The following CHTOP variants were observed in gnomAD, a reference collection of about 807,000 sequenced individuals.
CHTOP encodes chromatin target of PRMT1 protein.
A neutral mutation model predicts 33.6 loss-of-function variants in CHTOP; 18 were observed. The ratio of observed to expected loss-of-function variants is 0.54; its 90% CI spans 0.37 to 0.80. The LOEUF (loss-of-function observed/expected upper bound fraction) is 0.80, where lower values mean the gene tolerates loss of function less well. Among genes scored for constraint, CHTOP ranks in the 30% least tolerant of loss-of-function variants. CHTOP has a pLI of 0.00. For missense variants in CHTOP, 263 were observed against 336.8 expected (o/e 0.78, Z 1.71); for synonymous variants, 117 against 127.7 (o/e 0.92, Z 0.56).
rs71093280 is a variant in CHTOP at position 153,636,088 on chromosome 1, ATT to A, written c.-17-468_-17-467del. 7.5e-3 allele frequency among the ~76,000 whole-genome samples: 1,041 copies of A among 138,696 alleles called. 2 individuals are homozygous for A. Among genetic ancestry groups the A allele is most frequent in the African/African-American group, 9.2e-3 (344 of 37,444 alleles). The allele number at this position is 138,696 out of a possible 152,430, so 91.0% of individuals were successfully genotyped here. On this transcript the variant is annotated intron_variant, in intron 1 of 5. Transcript: ENST00000368694. ...AGGTGCTGGCCACCATGCACCGCTA[ATT>A]TTTTTTTTTTTTTTTCTTAGTAGAG...
chr1:153,641,479 G>A (rs775623675), intron 3 of CHTOP, among the ~76,000 whole-genome samples: 7 of 152,202 alleles, frequency 4.6e-5, no homozygotes, highest in Non-Finnish European at 1.0e-4. Context: ...GTGATCACCT[G>A]AATAATTCTA....
rs373115225 is a variant in CHTOP, at chr1:153,639,172, C to T, written c.219+724C>T. On this transcript the variant is annotated intron_variant, in intron 3 of 5. Transcript: ENST00000368694. ...CTGGGATTACAGGCTTGAGCCACCG[C>T]GCCCAGCAGTCAAAGGTTTTCAATG... 1.8e-4 allele frequency among the ~76,000 whole-genome samples: 28 copies of T among 152,248 alleles called. No homozygotes were observed. The East Asian group carries it at 3.7e-3, about 20-fold the overall frequency.
At chr1:153,638,169 C>A in intron 2 of CHTOP, 126 bp from the exon 3 acceptor site, 1 of 888,782 alleles carries the variant, frequency 1.1e-6, no homozygotes, top group Non-Finnish European at 1.8e-6. Context: ...CAGCCTTGAT[C>A]TAAGTGTACC....
chr1:153,641,254 A>G (rs1241391356), intron 3 of CHTOP, among the ~76,000 whole-genome samples: 1 of 152,236 alleles, frequency 6.6e-6, no homozygotes, highest in Non-Finnish European at 1.5e-5. Flanking sequence ...TGAAGGGGCT[A>G]TACAATTTAT....
chr1:153,635,553 G>C (rs1344319381), intron 1 of CHTOP, among the ~76,000 whole-genome samples: 1 of 151,822 alleles, frequency 6.6e-6, no homozygotes, highest in African/African-American at 2.4e-5. Flanking sequence ...CGGTGCGGTG[G>C]CTCACGCCTG....
chr1:153,642,894 C>G, intron 4 of CHTOP: 1 of 350,178 alleles, frequency 2.9e-6, no homozygotes, highest in Non-Finnish European at 5.4e-6. Context: ...TTCTTGTTCC[C>G]TAGAAGAATC....
At chr1:153,642,501 C>T (rs1010464519) in intron 4 of CHTOP, 72 bp downstream of exon 4, 3 of 1,292,048 alleles carry the variant, frequency 2.3e-6, no homozygotes, top group South Asian at 1.6e-5. Context: ...CTTATGGACA[C>T]GTTTGTTTAA....
intron 5 of CHTOP, among the ~76,000 whole-genome samples, chr1:153,644,688 A>G (rs753831617): frequency 3.9e-5 from 6 of 152,202 alleles, no homozygotes; most frequent in Non-Finnish European, 7.3e-5. Context: ...CCACCTCCCT[A>G]TCTTACCAAA....
At chr1:153,641,292 T>G (rs933729584) in intron 3 of CHTOP, among the ~76,000 whole-genome samples, 7 of 152,254 alleles carry the variant, frequency 4.6e-5, no homozygotes, top group Non-Finnish European at 7.3e-5. Flanking sequence ...GATGGCTTTA[T>G]GGACAGCCAG....
intron 5 of CHTOP, chr1:153,643,570 T>A (rs1263098599): frequency 1.3e-5 from 6 of 474,036 alleles, no homozygotes; most frequent in Non-Finnish European, 1.8e-5. Flanking sequence ...AAGTGCATAT[T>A]ATAGAGCCAG....
At chr1:153,638,857 T>TTGC in intron 3 of CHTOP, among the ~76,000 whole-genome samples, 1 of 151,522 alleles carries the variant, frequency 6.6e-6, no homozygotes, top group Non-Finnish European at 1.5e-5. Flanking sequence ...TGCAGGGAGT[T>TTGC]TGCATGGCCT....
In CHTOP at chr1:153,643,140, T is replaced by C; in HGVS notation, c.404-87T>C. 1.8e-5 allele frequency: 28 copies of C among 1,530,034 alleles called. 1 individual carries two copies. The South Asian group carries it at 3.1e-4, about 17-fold the overall frequency. 94.8% of individuals were successfully genotyped at this position (1,530,034 alleles called of 1,614,324 possible). A position where few individuals can be genotyped will look rare whatever the true frequency, so the allele number is the denominator to read the frequency against. ...CTAAAAACTAACTGAATTACCTTCA[T>C]TTAACCCTCACCGCCTTCCTTTGGT... On this transcript the variant is annotated intron_variant, in intron 4 of 5. Transcript: ENST00000368694.
chr1:153,638,333 T>C lies in CHTOP; in HGVS notation c.104T>C (p.Val35Ala), dbSNP rs372642641. The change falls in exon 3 of 6, where the codon GTG (valine) becomes GCG (alanine). Residue 35 changes from valine (V) to alanine (A), a missense_variant. Transcript: ENST00000368694. ...CTGAAGAACAAACAGCCGACGCCAG[T>C]GAATATTCGGGCTTCGATGCAGCAA... ...NMLKNKQPTP[V>A]NIRASMQQQQ... 1 of 1,614,194 alleles carries C rather than the reference T, an allele frequency of 6.2e-7. No homozygotes were observed. The highest frequency in any genetic ancestry group is 1.3e-5 in the African/African-American group (1 of 75,050).
chr1:153,642,427 G>A lies in CHTOP; in HGVS notation c.401G>A (p.Arg134Gln), dbSNP rs760382762. 1.6e-5 allele frequency: 26 copies of A among 1,612,306 alleles called. No homozygotes were observed. The highest frequency in any genetic ancestry group is 2.7e-5 in the African/African-American group (2 of 74,912). The change falls in exon 4 of 6, where the codon CGA (arginine) becomes CAA (glutamine). Residue 134 changes from arginine to glutamine, a missense_variant and splice_region_variant. Arg to Gln is a conservative substitution (Grantham distance 43). This residue lies in a region of CHTOP where 168 missense variants were observed against 179.9 expected (regional missense o/e 0.93). Coordinates refer to ENST00000368694, the MANE Select transcript of CHTOP (RefSeq NM_015607.4). The stretch of plus-strand genomic sequence containing the variant: ...CTACTTAGGGGCGGGATGTCACTCC[G>A]AGGTCAGTGCTGTGTACCCTGATAA... The part of the protein sequence containing the change: ...RTLLRGGMSL[R>Q]GQNLLRGGRA...
Position 153,639,233 on chromosome 1 carries a change from C to T in CHTOP, c.219+785C>T, listed in dbSNP as rs1301943330. 3 of 156,446 alleles carry T rather than the reference C, an allele frequency of 1.9e-5. No homozygotes were observed. In the East Asian group the frequency reaches 5.7e-4, roughly 30 times the overall value. The allele number at this position is 156,446 out of a possible 1,614,324, so 9.7% of individuals were successfully genotyped here. A position where few individuals can be genotyped will look rare whatever the true frequency, so the allele number is the denominator to read the frequency against. ...CAGAGTAGAGTGACCCTCATTTCCA[C>T]AGCACCTAAAGTTTTACCAGTAAAG... On this transcript the variant is annotated intron_variant, in intron 3 of 5. Coordinates refer to ENST00000368694, the MANE Select transcript of CHTOP (RefSeq NM_015607.4).
Position 153,638,579 on chromosome 1 carries a change from A to G in CHTOP, c.219+131A>G, listed in dbSNP as rs182706248. The stretch of plus-strand genomic sequence containing the variant: ...AAAAGCTGAAACTTCTCTGGAAGAA[A>G]GAGAAGTTCAGAGAATTCCAATTTT... On this transcript the variant is annotated intron_variant, in intron 3 of 5. Coordinates refer to ENST00000368694, the MANE Select transcript of CHTOP (RefSeq NM_015607.4). The G allele has an allele frequency of 5.6e-5, 56 of 996,316 alleles. No individual in the cohort carries two copies. In the African/African-American group the frequency reaches 8.8e-4, roughly 16 times the overall value. 61.7% of individuals were successfully genotyped at this position (996,316 alleles called of 1,614,324 possible).
rs769430094 is a variant in CHTOP, at chr1:153,638,324, C to T, written c.95C>T (p.Pro32Leu). Reference sequence around the variant, plus strand: ...ACTAATATGCTGAAGAACAAACAGCCGACGCCAGTGAATATTCGGGCTTCG... The same window carrying T: ...ACTAATATGCTGAAGAACAAACAGCTGACGCCAGTGAATATTCGGGCTTCG... ...RFTNMLKNKQ[P>L]TPVNIRASMQ... Residue 32 changes from proline (P) to leucine (L), a missense_variant, in exon 3 of 6, where the codon CCG becomes CTG. Pro to Leu is a moderately conservative substitution (Grantham distance 98). This residue lies in a region of CHTOP where 73 missense variants were observed against 108.9 expected (regional missense o/e 0.67). Coordinates refer to ENST00000368694, the MANE Select transcript of CHTOP (RefSeq NM_015607.4). 1.6e-5 allele frequency: 26 copies of T among 1,614,180 alleles called. No homozygotes were observed. The highest frequency in any genetic ancestry group is 3.3e-5 in the Admixed American group (2 of 60,012).
chr1:153,639,029 C>T (rs959422399), intron 3 of CHTOP, among the ~76,000 whole-genome samples: 6 of 152,010 alleles, frequency 3.9e-5, no homozygotes, highest in Non-Finnish European at 7.4e-5. Context: ...TAAAGGTGCC[C>T]GCCACCACAC....
intron 2 of CHTOP, 182 bp downstream of exon 2, chr1:153,636,835 T>TC: frequency 1.7e-6 from 1 of 577,708 alleles, no homozygotes; most frequent in Non-Finnish European, 3.2e-6. Flanking sequence ...AAACCCCTTA[T>TC]CAGTAGACTT....
Sources: allele counts gnomAD v4.1 joint callset (sites outside exome capture counted in the v4.1 genomes callset), GRCh38; gene constraint gnomAD v4.1.1; regional missense constraint gnomAD v4.1.1; transcripts MANE v1.5; gene names NCBI Gene and HGNC (gene_info 2026-07-23, HGNC 2026-07-21).